Variants in PTPRE observed in about 807,000 individuals in gnomAD.
PTPRE encodes the protein receptor-type tyrosine-protein phosphatase epsilon.
PTPRE carries 51 observed loss-of-function variants against 102.0 expected under a neutral mutation model. The ratio of observed to expected loss-of-function variants is 0.50; its 90% CI spans 0.40 to 0.63. The LOEUF is 0.63. Ranked by LOEUF, PTPRE falls within the 30% of genes least tolerant of loss-of-function variation. The pLI is 0.00. For synonymous variants in PTPRE, 345 were observed against 348.2 expected (o/e 0.99, Z 0.10); for missense variants, 752 against 915.1 (o/e 0.82, Z 2.30).
At chr10:128,030,789 G>A (rs1846680585) in intron 2 of PTPRE, among the ~76,000 whole-genome samples, 1 of 152,124 alleles carries the variant, frequency 6.6e-6, no homozygotes, top group African/African-American at 2.4e-5. Flanking sequence ...TGGGTTCCCA[G>A]GGCCCTGTGC....
At chr10:128,039,034 A>G (rs934799794) in intron 2 of PTPRE, among the ~76,000 whole-genome samples, 23 of 152,334 alleles carry the variant, frequency 1.5e-4, no homozygotes, top group African/African-American at 5.5e-4. Flanking sequence ...GAGGGTTATT[A>G]AATTAATGCA....
At chr10:128,022,469 A>G (rs1216736261) in intron 2 of PTPRE, among the ~76,000 whole-genome samples, 1 of 152,178 alleles carries the variant, frequency 6.6e-6, no homozygotes, top group East Asian at 1.9e-4. Context: ...CAGCTTTGGA[A>G]TCGACGGCCC....
chr10:128,042,332 G>T (rs115148955), intron 3 of PTPRE, among the ~76,000 whole-genome samples: 2,393 of 152,262 alleles, frequency 0.016, 59 homozygotes, highest in African/African-American at 0.054. Flanking sequence ...TGTGGGCACC[G>T]GCAGGATGAC....
chr10:128,073,610 G>C, intron 17 of PTPRE, 139 bp downstream of exon 17: 1 of 1,135,630 alleles, frequency 8.8e-7, no homozygotes. Flanking sequence ...GGGAAGGAGA[G>C]AGATTGGAAA....
intron 20 of PTPRE, 31 bp downstream of exon 20, chr10:128,079,726 G>C (rs752770985): frequency 6.3e-7 from 1 of 1,593,040 alleles, no homozygotes; most frequent in South Asian, 1.1e-5. Flanking sequence ...GTTACCAGAA[G>C]AGTGGAGAAT....
At chr10:127,983,858 G>T (rs1210433900) in intron 2 of PTPRE, among the ~76,000 whole-genome samples, 1 of 152,132 alleles carries the variant, frequency 6.6e-6, no homozygotes, top group Non-Finnish European at 1.5e-5. Flanking sequence ...GAGTGATCCT[G>T]TGACAGGTGC....
chr10:128,078,773 T>C (rs2136075858), intron 19 of PTPRE, among the ~76,000 whole-genome samples: 1 of 152,332 alleles, frequency 6.6e-6, no homozygotes, highest in East Asian at 1.9e-4. Context: ...GCACTGGAGA[T>C]GCAGAGGTGA....
intron 1 of PTPRE, among the ~76,000 whole-genome samples, chr10:127,977,843 C>T (rs1050241506): frequency 2.0e-5 from 3 of 152,186 alleles, no homozygotes; most frequent in Non-Finnish European, 4.4e-5. Context: ...GATGTTGTCA[C>T]CATGGCTTTT....
At chr10:128,076,332 G>T (rs3750894) in intron 17 of PTPRE, among the ~76,000 whole-genome samples, 21,433 of 152,064 alleles carry the variant, frequency 0.14, 1,686 homozygotes, top group East Asian at 0.26. Context: ...TCCCCAGGTA[G>T]AAAACCAATT....
At chr10:128,063,316 G>C in intron 10 of PTPRE, 136 bp downstream of exon 10, 1 of 1,449,338 alleles carries the variant, frequency 6.9e-7, no homozygotes, top group Admixed American at 2.4e-5. Flanking sequence ...CCAAACACAT[G>C]CAGTGGCTTA....
intron 11 of PTPRE, 136 bp downstream of exon 11, chr10:128,066,330 A>AG: frequency 7.1e-7 from 1 of 1,404,862 alleles, no homozygotes; most frequent in Non-Finnish European, 9.8e-7. Flanking sequence ...GAGAGGGTGC[A>AG]GTGGCCAGGC....
intron 2 of PTPRE, among the ~76,000 whole-genome samples, chr10:127,995,055 A>C (rs530154275): frequency 6.6e-6 from 1 of 152,316 alleles, no homozygotes; most frequent in East Asian, 1.9e-4. Flanking sequence ...GGTGTCGCCC[A>C]CCAAAAAAAG....
chr10:128,059,955 A>C (rs7475990), intron 7 of PTPRE, among the ~76,000 whole-genome samples: 4 of 111,798 alleles, frequency 3.6e-5, no homozygotes, highest in South Asian at 5.7e-4. Flanking sequence ...CACACACACA[A>C]CACACACACT....
At chr10:127,942,795 G>A (rs1589793009) in intron 1 of PTPRE, among the ~76,000 whole-genome samples, 1 of 152,066 alleles carries the variant, frequency 6.6e-6, no homozygotes. Flanking sequence ...GCGAGGTAGT[G>A]ATGATGGTTG....
intron 1 of PTPRE, among the ~76,000 whole-genome samples, chr10:127,975,007 G>A (rs1851039618): frequency 6.6e-6 from 1 of 152,206 alleles, no homozygotes; most frequent in Non-Finnish European, 1.5e-5. Context: ...GGCGGGCGGG[G>A]AACAGCTAGG....
intron 2 of PTPRE, among the ~76,000 whole-genome samples, chr10:128,001,365 A>G (rs1017759273): frequency 6.6e-6 from 1 of 152,196 alleles, no homozygotes; most frequent in Non-Finnish European, 1.5e-5. Flanking sequence ...GGCTGATAGT[A>G]AGTAAAGTGT....
intron 11 of PTPRE, 113 bp downstream of exon 11, chr10:128,066,307 C>T (rs1235105428): frequency 6.0e-6 from 9 of 1,509,864 alleles, no homozygotes; most frequent in African/African-American, 2.8e-5. Context: ...CCGGCACTGT[C>T]GCAGCCCTGG....
intron 10 of PTPRE, 54 bp from the exon 11 acceptor site, chr10:128,066,021 C>T: frequency 6.2e-7 from 1 of 1,613,676 alleles, no homozygotes; most frequent in Non-Finnish European, 8.5e-7. Context: ...GGGGGGATGT[C>T]ATGATGCATT....
In PTPRE at chr10:128,028,768, C is replaced by G. The variant is rs7082624; in HGVS notation, c.-7-12107C>G. Reference sequence around the variant, plus strand: ...TCCCAGGAAGAAGCCTCCATCCCTGCGGAGGGCTTGAGACCCTCTGGGATG... The same window carrying G: ...TCCCAGGAAGAAGCCTCCATCCCTGGGGAGGGCTTGAGACCCTCTGGGATG... On this transcript the variant is annotated intron_variant, in intron 2 of 20. Transcript: ENST00000254667. The surrounding 1 kb of genome is among the most constrained non-coding windows in gnomAD (Gnocchi z 4.5). Among the ~76,000 whole-genome samples, 53,300 of 151,980 alleles carry G rather than the reference C, an allele frequency of 0.35. 10,243 individuals are homozygous for G. The highest frequency in any genetic ancestry group is 0.52 in the African/African-American group (21,670 of 41,412).
Sources: allele counts gnomAD v4.1 joint callset (sites outside exome capture counted in the v4.1 genomes callset), GRCh38; gene constraint gnomAD v4.1.1; non-coding constraint Gnocchi (gnomAD v3.1); transcripts MANE v1.5; gene names NCBI Gene and HGNC (gene_info 2026-07-23, HGNC 2026-07-21).